Variants in EVPL observed in about 807,000 individuals in gnomAD.
EVPL encodes the protein 210 kDa cornified envelope precursor protein.
Under a neutral mutation model 129.7 loss-of-function variants are expected in EVPL, and 94 were observed. The ratio of observed to expected loss-of-function variants is 0.72; its 90% CI spans 0.61 to 0.86. EVPL has a LOEUF of 0.86. EVPL is among the 40% of genes least tolerant of loss of function. EVPL has a pLI of 0.00. For missense variants in EVPL, 2,625 were observed against 2,721.1 expected (o/e 0.96, Z 0.79); for synonymous variants, 1,172 against 1,191.1 (o/e 0.98, Z 0.33).
intron 13 of EVPL, 41 bp from the exon 14 acceptor site, chr17:76,017,952 C>G (rs769410041): frequency 6.2e-7 from 1 of 1,608,118 alleles, no homozygotes; most frequent in South Asian, 1.1e-5. Context: ...GGCCTATCTC[C>G]AGACTGCCAG....
chr17:76,019,375 G>A (rs2066441555), intron 10 of EVPL, among the ~76,000 whole-genome samples, 153 bp downstream of exon 10: 1 of 152,108 alleles, frequency 6.6e-6, no homozygotes, highest in Non-Finnish European at 1.5e-5. Flanking sequence ...CTGGTACCTG[G>A]CCAGCCTCCT....
chr17:76,008,678 G>C lies in EVPL; in HGVS notation c.4527C>G (p.Leu1509=). 1 of 1,612,924 alleles carries C rather than the reference G, an allele frequency of 6.2e-7. No individual in the cohort carries two copies. Among genetic ancestry groups the C allele is most frequent in the African/African-American group, 1.3e-5 (1 of 75,034 alleles). The change falls in exon 22 of 22, where the codon CTC becomes CTG. Residue 1509 remains leucine, a synonymous_variant. Transcript: ENST00000301607. The surrounding 1 kb of genome is among the most constrained non-coding windows in gnomAD (Gnocchi z 7.4). ...CKNLQVQIDV[L]QKAKSQEKTI... is the part of the protein sequence containing the mutation. ...TCTTCTCCTGCGATTTGGCTTTCTG[G>C]AGGACGTCAATCTGGACCTGCAGGT...
In EVPL at chr17:76,009,391, G is replaced by A. The variant is rs767651359; in HGVS notation, c.3814C>T (p.Arg1272Cys). ...RSPEVLREID[R>C]LKAQLNELVN... ...AGCTCGTTGAGCTGAGCCTTCAGGC[G>A]GTCGATCTCACGCAGCACCTCGGGG... The change falls in exon 22 of 22, where the codon CGC becomes TGC. Residue 1272 changes from arginine to cysteine, a missense_variant. By Grantham distance (180) the Arg-to-Cys change is radical. This residue lies in a region of EVPL where 1,453 missense variants were observed against 1,511.8 expected (regional missense o/e 0.96). Coordinates refer to ENST00000301607, the MANE Select transcript of EVPL (RefSeq NM_001988.4). The surrounding 1 kb of genome is among the most constrained non-coding windows in gnomAD (Gnocchi z 5.9). 8.1e-6 allele frequency: 13 copies of A among 1,613,964 alleles called. No homozygotes were observed. In the East Asian group the frequency reaches 2.5e-4, roughly 30 times the overall value.
chr17:76,007,137 G>A lies in EVPL; in HGVS notation c.6068C>T (p.Ser2023Phe). 1.3e-6 allele frequency: 2 copies of A among 1,490,860 alleles called. No homozygotes were observed. Among genetic ancestry groups the A allele is most frequent in the Non-Finnish European group, 1.8e-6 (2 of 1,119,432 alleles). 92.4% of individuals were successfully genotyped at this position (1,490,860 alleles called of 1,614,324 possible). A position where few individuals can be genotyped will look rare whatever the true frequency, so the allele number is the denominator to read the frequency against. The change falls in exon 22 of 22, where the codon TCC (serine) becomes TTC (phenylalanine). Residue 2023 changes from serine (S) to phenylalanine (F), a missense_variant. This residue lies in a region of EVPL where 1,453 missense variants were observed against 1,511.8 expected (regional missense o/e 0.96). Coordinates refer to ENST00000301607, the MANE Select transcript of EVPL (RefSeq NM_001988.4). The surrounding 1 kb of genome is among the most constrained non-coding windows in gnomAD (Gnocchi z 8.8). ...GGAGCGCGGGACGGTGGGGGAGGCG[G>A]AGCGGTAGCAGCGGTACCCCTCCAG... Reference protein sequence around the residue: ...AALEGYRCYRSASPTVPRSLR With the variant: ...AALEGYRCYRFASPTVPRSLR
rs746035942 is a variant in EVPL at position 76,024,142 on chromosome 17, G to A, written c.99-22C>T. 15 of 1,608,250 alleles carry A rather than the reference G, an allele frequency of 9.3e-6. No homozygotes were observed. The highest frequency in any genetic ancestry group is 3.4e-5 in the Admixed American group (2 of 59,554). The stretch of plus-strand genomic sequence containing the variant: ...AGCCCTAGTGTGTGGAGGGGACAGC[G>A]GGTAGCTCGGTGGAAGAGGCCCCTC... On this transcript the variant is annotated intron_variant, in intron 1 of 21. Transcript: ENST00000301607. This position sits in a 1 kb window ranked among gnomAD's most constrained non-coding sequence, Gnocchi z 4.5.
Position 76,007,955 on chromosome 17 carries a change from C to G in EVPL, c.5250G>C (p.Glu1750Asp). Residue 1750 changes from glutamate (E) to aspartate (D), a missense_variant, in exon 22 of 22, where the codon GAG becomes GAC. Coordinates refer to ENST00000301607, the MANE Select transcript of EVPL (RefSeq NM_001988.4). The surrounding 1 kb of genome is among the most constrained non-coding windows in gnomAD (Gnocchi z 8.8). ...DRKSGKQYSI[E>D]AALRCRRISK... ...AGATGCGCCGGCAGCGGAGGGCGGC[C>G]TCGATGGAGTACTGCTTCCCGCTCT... is the stretch of plus-strand genomic sequence containing the variant. The G allele has an allele frequency of 6.2e-7, 1 of 1,614,116 alleles. No individual in the cohort carries two copies. The highest frequency in any genetic ancestry group is 1.6e-4 in the Middle Eastern group (1 of 6,062).
Position 76,009,871 on chromosome 17 carries a change from C to G in EVPL, c.3334G>C (p.Ala1112Pro), listed in dbSNP as rs1347266868. 6.2e-7 allele frequency: 1 copy of G among 1,614,106 alleles called. No individual in the cohort carries two copies. The highest frequency in any genetic ancestry group is 8.5e-7 in the Non-Finnish European group (1 of 1,180,040). Reference sequence around the variant, plus strand: ...ATGCGAGCCTGTAGCTTGGCCACAGCCTCCTCCGCCTGCTTCCTCCGCGCA... The same window carrying G: ...ATGCGAGCCTGTAGCTTGGCCACAGGCTCCTCCGCCTGCTTCCTCCGCGCA... ...DAARRKQAEE[A>P]VAKLQARIED... The change falls in exon 22 of 22, where the codon GCT becomes CCT. Residue 1112 changes from alanine to proline, a missense_variant. Physicochemically the swap from Ala to Pro is conservative, Grantham distance 27. This residue lies in a region of EVPL where 1,453 missense variants were observed against 1,511.8 expected (regional missense o/e 0.96). Transcript: ENST00000301607. This position sits in a 1 kb window ranked among gnomAD's most constrained non-coding sequence, Gnocchi z 5.9.
In EVPL at chr17:76,014,463, C is replaced by T. The variant is rs2066401818; in HGVS notation, c.2336G>A (p.Gly779Asp). ...CAGCTTGTAGGCGATCTGGCTGGGG[C>T]CGTCGCTGGGCCGCACCTGGCTGCG... Reference protein sequence around the residue: ...LPRSQVRPSDGPSQIAYKLQA... With the variant: ...LPRSQVRPSDDPSQIAYKLQA... Residue 779 changes from glycine to aspartate, a missense_variant, in exon 18 of 22, where the codon GGC (glycine) becomes GAC (aspartate). By Grantham distance (94) the Gly-to-Asp change is moderately conservative (BLOSUM62 -1). Transcript: ENST00000301607. The T allele has an allele frequency of 1.2e-6, 2 of 1,611,620 alleles. No individual in the cohort carries two copies. The highest frequency in any genetic ancestry group is 1.7e-5 in the Admixed American group (1 of 59,782).
rs746736274 is a variant in EVPL, at chr17:76,015,324, G to A, written c.1931C>T (p.Ala644Val). 4.4e-6 allele frequency: 7 copies of A among 1,603,034 alleles called. No homozygotes were observed. Among genetic ancestry groups the A allele is most frequent in the Non-Finnish European group, 8.5e-7 (1 of 1,178,846 alleles). Residue 644 changes from alanine to valine, a missense_variant, in exon 16 of 22, where the codon GCG (alanine) becomes GTG (valine). Coordinates refer to ENST00000301607, the MANE Select transcript of EVPL (RefSeq NM_001988.4). ...ALDLERQIQD[A>V]DRVIRGFEAT... ...CTCGAAGCCTCGGATGACCCTGTCCGCATCCTGGATCTGCCGCTCCAGATC... is the reference window on the plus strand; with the variant it reads ...CTCGAAGCCTCGGATGACCCTGTCCACATCCTGGATCTGCCGCTCCAGATC...
At position 76,008,537 on chromosome 17, in the gene EVPL, C is replaced by T. The variant is rs948686823; in HGVS notation, c.4668G>A (p.Glu1556=). ...CAATGCGCTCCCGCAGGCGCCGTGC[C>T]TCCTCCTCCCGGGCCTGCCGGGCCG... ...ERTARQAREE[E]ARRLRERIDR... The change falls in exon 22 of 22, where the codon GAG becomes GAA. Residue 1556 remains glutamate, a synonymous_variant. Transcript: ENST00000301607. This position sits in a 1 kb window ranked among gnomAD's most constrained non-coding sequence, Gnocchi z 7.4. 6.2e-7 allele frequency: 1 copy of T among 1,607,728 alleles called. No individual in the cohort carries two copies. The highest frequency in any genetic ancestry group is 8.5e-7 in the Non-Finnish European group (1 of 1,179,566).
At position 76,007,110 on chromosome 17, in the gene EVPL, A is replaced by G; in HGVS notation, c.6095T>C (p.Leu2032Pro). ...CTGGCTCCTTGGCCCGTGTCAGCGA[A>G]GGGAGCGCGGGACGGTGGGGGAGGC... ...RSASPTVPRS[L>P]R The change falls in exon 22 of 22, where the codon CTT becomes CCT. Residue 2032 changes from leucine to proline, a missense_variant. Around this residue, in one of 4 missense-constraint regions of EVPL, gnomAD observed 1,453 missense variants for 1,511.8 expected, o/e 0.96. Transcript: ENST00000301607. This position sits in a 1 kb window ranked among gnomAD's most constrained non-coding sequence, Gnocchi z 8.8. 4.8e-6 allele frequency: 7 copies of G among 1,459,646 alleles called. No homozygotes were observed. The highest frequency in any genetic ancestry group is 6.3e-6 in the Non-Finnish European group (7 of 1,104,266). 90.4% of individuals were successfully genotyped at this position (1,459,646 alleles called of 1,614,324 possible).
At chr17:76,012,196 G>A (rs951134121) in intron 18 of EVPL, 107 bp from the exon 19 acceptor site, 7 of 764,666 alleles carry the variant, frequency 9.2e-6, no homozygotes, top group African/African-American at 3.5e-5. Context: ...GCCTCCCAGG[G>A]ACAAGAAAGG....
chr17:76,015,132 C>G, intron 16 of EVPL, 23 bp from the exon 17 acceptor site: 1 of 1,566,418 alleles, frequency 6.4e-7, no homozygotes, highest in Non-Finnish European at 8.7e-7. Context: ...GGGACGCAGC[C>G]GTGCACCCTC....
rs532221183 is a variant in EVPL, at chr17:76,014,331, C to T, written c.2373+95G>A. On this transcript the variant is annotated intron_variant, in intron 18 of 21. Coordinates refer to ENST00000301607, the MANE Select transcript of EVPL (RefSeq NM_001988.4). ...GGCCAGGGAAGGGGCCCAGGGCCTC[C>T]GTGGCCTGGGCTTTGAAGCCCCTTA... 2.0e-4 allele frequency: 295 copies of T among 1,466,436 alleles called. 2 individuals carry two copies. The East Asian group carries it at 5.9e-3, about 29-fold the overall frequency. 90.8% of individuals were successfully genotyped at this position (1,466,436 alleles called of 1,614,324 possible).
In EVPL at chr17:76,015,219, T is replaced by C; in HGVS notation, c.2028+8A>G. 6.3e-7 allele frequency: 1 copy of C among 1,584,234 alleles called. No homozygotes were observed. ...CCTGACACCAGGAGGCCCCGGCTGG[T>C]CCCTTACCTGCAGCTCGCTGACCCT... On this transcript the variant is annotated splice_region_variant and intron_variant, in intron 16 of 21. Transcript: ENST00000301607.
Position 76,007,559 on chromosome 17 carries a change from C to G in EVPL, c.5646G>C (p.Ala1882=). The change falls in exon 22 of 22, where the codon GCG becomes GCC. Residue 1882 remains alanine (A), a synonymous_variant. Coordinates refer to ENST00000301607, the MANE Select transcript of EVPL (RefSeq NM_001988.4). The surrounding 1 kb of genome is among the most constrained non-coding windows in gnomAD (Gnocchi z 8.8). ...TGTTCTCGATCAGGCCCCTCTCCAT[C>G]GCCTTGTGCACAGAGTAGCGCTCAC... ...LSRERYSVHK[A]MERGLIENTS... The G allele has an allele frequency of 1.2e-6, 2 of 1,614,050 alleles. No homozygotes were observed. Among genetic ancestry groups the G allele is most frequent in the Non-Finnish European group, 1.7e-6 (2 of 1,180,040 alleles).
At position 76,008,424 on chromosome 17, in the gene EVPL, C is replaced by T. The variant is rs1345927606; in HGVS notation, c.4781G>A (p.Arg1594Gln). 23 of 1,591,842 alleles carry T rather than the reference C, an allele frequency of 1.4e-5. No homozygotes were observed. Among genetic ancestry groups the T allele is most frequent in the South Asian group, 2.2e-5 (2 of 89,994 alleles). ...ARDQADQECG[R>Q]LQQELRALER... ...CAGAGCCCGCAGCTCCTGCTGCAGC[C>T]GCCCACACTCCTGGTCGGCCTGGTC... The change falls in exon 22 of 22, where the codon CGG becomes CAG. Residue 1594 changes from arginine to glutamine, a missense_variant. Arg to Gln is a conservative substitution (Grantham distance 43). Transcript: ENST00000301607. The surrounding 1 kb of genome is among the most constrained non-coding windows in gnomAD (Gnocchi z 7.4).
At position 76,007,940 on chromosome 17, in the gene EVPL, G is replaced by A. The variant is rs1281289889; in HGVS notation, c.5265C>T (p.Cys1755=). ...GGTACTCCTCCTTAGAGATGCGCCG[G>A]CAGCGGAGGGCGGCCTCGATGGAGT... ...KQYSIEAALR[C]RRISKEEYHL... is the part of the protein sequence containing the mutation. Residue 1755 remains cysteine (C), a synonymous_variant, in exon 22 of 22, where the codon TGC becomes TGT. Coordinates refer to ENST00000301607, the MANE Select transcript of EVPL (RefSeq NM_001988.4). This position sits in a 1 kb window ranked among gnomAD's most constrained non-coding sequence, Gnocchi z 8.8. 4 of 1,613,990 alleles carry A rather than the reference G, an allele frequency of 2.5e-6. No individual in the cohort carries two copies. The highest frequency in any genetic ancestry group is 2.5e-6 in the Non-Finnish European group (3 of 1,180,026).
rs1289464980 is a variant in EVPL at position 76,007,669 on chromosome 17, C to A, written c.5536G>T (p.Ala1846Ser). 13 of 1,613,748 alleles carry A rather than the reference C, an allele frequency of 8.1e-6. No homozygotes were observed. In the South Asian group the frequency reaches 1.3e-4, roughly 16 times the overall value. ...GTGATGGGGTCCAGCATGTTCTTGG[C>A]CACGGCCGTCTTGATGCTGCACTTG... Reference protein sequence around the residue: ...DNKCSIKTAVAKNMLDPITGQ... With the variant: ...DNKCSIKTAVSKNMLDPITGQ... Residue 1846 changes from alanine to serine, a missense_variant, in exon 22 of 22, where the codon GCC becomes TCC. Ala to Ser is a moderately conservative substitution (Grantham distance 99). Around this residue, in one of 4 missense-constraint regions of EVPL, gnomAD observed 1,453 missense variants for 1,511.8 expected, o/e 0.96. Transcript: ENST00000301607. This position sits in a 1 kb window ranked among gnomAD's most constrained non-coding sequence, Gnocchi z 8.8.
Sources: gnomAD v4.1 joint callset for allele counts (sites outside exome capture counted in the v4.1 genomes callset) on GRCh38, gnomAD v4.1.1 for gene constraint, gnomAD v4.1.1 regional missense constraint, Gnocchi (gnomAD v3.1) non-coding constraint, MANE v1.5 for transcripts, NCBI Gene and HGNC (gene_info 2026-07-23, HGNC 2026-07-21) for gene names.